TNFSF13B: variants seen among roughly 807,000 people sequenced by gnomAD.
The protein encoded by TNFSF13B is TNF superfamily member 13b, also known as tumor necrosis factor ligand superfamily member 13B.
Under a neutral mutation model 29.1 loss-of-function variants are expected in TNFSF13B, and 8 were observed. The observed-to-expected ratio is 0.27, with a 90% CI of 0.16 to 0.50. TNFSF13B has a LOEUF of 0.50. TNFSF13B is among the 20% of genes least tolerant of loss of function. The pLI is 0.98. For synonymous variants in TNFSF13B, 125 were observed against 130.8 expected (o/e 0.96, Z 0.30); for missense variants, 248 against 334.9 (o/e 0.74, Z 2.03).
intron 2 of TNFSF13B, among the ~76,000 whole-genome samples, chr13:108,272,513 G>T (rs184396346): frequency 1.3e-5 from 2 of 152,046 alleles, no homozygotes; most frequent in African/African-American, 4.8e-5. Flanking sequence ...TCCTTCTGTT[G>T]TTTATTTTGA....
intron 5 of TNFSF13B, among the ~76,000 whole-genome samples, chr13:108,305,254 G>A (rs1881737964): frequency 6.6e-6 from 1 of 152,006 alleles, no homozygotes; most frequent in African/African-American, 2.4e-5. Context: ...GTATATATAA[G>A]TACATAAAAT....
Position 108,308,218 on chromosome 13 carries a change from A to C in TNFSF13B, c.*1280A>C, listed in dbSNP as rs1319409505. The C allele has an allele frequency of 6.6e-6, 1 of 152,142 alleles. No homozygotes were observed. The highest frequency in any genetic ancestry group is 2.4e-5 in the African/African-American group (1 of 41,438). The allele number at this position is 152,142 out of a possible 1,614,324, so 9.4% of individuals were successfully genotyped here. The stretch of plus-strand genomic sequence containing the variant: ...ATCTATATCAAAATACTTTTCAAGG[A>C]TATACTTTTCAAAACAAACGATTTA... On this transcript the variant is annotated 3_prime_UTR_variant, in exon 6 of 6. Transcript: ENST00000375887.
chr13:108,273,403 T>G (rs893000017), intron 2 of TNFSF13B, among the ~76,000 whole-genome samples: 3 of 152,162 alleles, frequency 2.0e-5, no homozygotes, highest in African/African-American at 7.2e-5. Context: ...CTTATTACTA[T>G]CATAAAATAT....
At chr13:108,275,126 A>G (rs139804395) in intron 2 of TNFSF13B, among the ~76,000 whole-genome samples, 44 of 152,298 alleles carry the variant, frequency 2.9e-4, no homozygotes, top group African/African-American at 9.9e-4. Flanking sequence ...CAAATAGCTC[A>G]TATTAGCCAA....
At chr13:108,278,605 TCCTCCCCTTCTCTTC>T (rs1880829605) in intron 2 of TNFSF13B, among the ~76,000 whole-genome samples, 1 of 143,024 alleles carries the variant, frequency 7.0e-6, no homozygotes, top group Non-Finnish European at 1.5e-5. Flanking sequence ...CTCTTCCTCC[TCCTCCCCTTCTCTTC>T]CTCCTCCTCC....
intron 2 of TNFSF13B, among the ~76,000 whole-genome samples, 194 bp downstream of exon 2, chr13:108,270,618 TC>T (rs997341483): frequency 1.3e-5 from 2 of 152,164 alleles, no homozygotes; most frequent in Non-Finnish European, 2.9e-5. Context: ...GTGTGCTTTT[TC>T]CTCCAATGAG....
At chr13:108,273,176 C>A (rs1401039091) in intron 2 of TNFSF13B, among the ~76,000 whole-genome samples, 1 of 151,982 alleles carries the variant, frequency 6.6e-6, no homozygotes, top group African/African-American at 2.4e-5. Flanking sequence ...GTATATATTG[C>A]ACACAGTTGA....
rs1881664115 is a variant in TNFSF13B, at chr13:108,302,839, GC to G, written c.482-412del. ...AGATTTCTTCGTCTGGAAACATTTT[GC>G]CAAACTCTTCAGATACTCTTTCCTC... On this transcript the variant is annotated intron_variant, in intron 3 of 5. Coordinates refer to ENST00000375887, the MANE Select transcript of TNFSF13B (RefSeq NM_006573.5). 12 of 986,658 alleles carry G rather than the reference GC, an allele frequency of 1.2e-5. 1 individual carries two copies. The highest frequency in any genetic ancestry group is 4.7e-5 in the South Asian group (1 of 21,310). 61.1% of individuals were successfully genotyped at this position (986,658 alleles called of 1,614,324 possible).
intron 5 of TNFSF13B, among the ~76,000 whole-genome samples, 174 bp from the exon 6 acceptor site, chr13:108,306,651 TA>T (rs201443596): frequency 6.6e-6 from 1 of 151,988 alleles, no homozygotes; most frequent in South Asian, 2.1e-4. Flanking sequence ...TTATTTCTTC[TA>T]AATTTTTTTT....
At chr13:108,273,120 G>A (rs907132690) in intron 2 of TNFSF13B, among the ~76,000 whole-genome samples, 2 of 152,010 alleles carry the variant, frequency 1.3e-5, no homozygotes, top group South Asian at 4.1e-4. Context: ...TTATTTCATG[G>A]TTTGCCCTAG....
chr13:108,278,239 T>C (rs1179635489), intron 2 of TNFSF13B, among the ~76,000 whole-genome samples: 1 of 152,114 alleles, frequency 6.6e-6, no homozygotes, highest in Non-Finnish European at 1.5e-5. Context: ...TTACGATTAA[T>C]GCCAGTGAGA....
intron 2 of TNFSF13B, among the ~76,000 whole-genome samples, chr13:108,284,850 G>A (rs2139052640): frequency 6.6e-6 from 1 of 152,264 alleles, no homozygotes; most frequent in Non-Finnish European, 1.5e-5. Context: ...TTTAAAATAG[G>A]TTGAATGTGG....
intron 2 of TNFSF13B, among the ~76,000 whole-genome samples, chr13:108,274,619 G>A (rs1345310149): frequency 6.6e-6 from 1 of 152,004 alleles, no homozygotes; most frequent in African/African-American, 2.4e-5. Context: ...CAAAATTAAT[G>A]TTTATATTCC....
intron 2 of TNFSF13B, among the ~76,000 whole-genome samples, chr13:108,270,861 C>G (rs760244618): frequency 3.9e-5 from 6 of 152,102 alleles, no homozygotes; most frequent in Non-Finnish European, 7.4e-5. Context: ...TCTGAATGTA[C>G]ATTACATGTT....
chr13:108,276,677 A>T (rs1880772466), intron 2 of TNFSF13B, among the ~76,000 whole-genome samples: 1 of 152,176 alleles, frequency 6.6e-6, no homozygotes, highest in African/African-American at 2.4e-5. Context: ...AAGGGAAAGA[A>T]ATGCGTTTTC....
At chr13:108,284,382 A>T (rs991975733) in intron 2 of TNFSF13B, among the ~76,000 whole-genome samples, 4 of 151,746 alleles carry the variant, frequency 2.6e-5, no homozygotes, top group African/African-American at 7.3e-5. Context: ...AAACAAACAA[A>T]CAAACAATAA....
chr13:108,288,988 C>G (rs1171336425), intron 3 of TNFSF13B, among the ~76,000 whole-genome samples: 1 of 152,096 alleles, frequency 6.6e-6, no homozygotes, highest in African/African-American at 2.4e-5. Context: ...AACACAAGTA[C>G]TAAACTACTT....
intron 2 of TNFSF13B, among the ~76,000 whole-genome samples, chr13:108,281,345 G>A (rs190045213): frequency 2.0e-5 from 3 of 152,064 alleles, no homozygotes; most frequent in South Asian, 2.1e-4. Flanking sequence ...TCCAACACCC[G>A]CTTCCAAAAA....
rs138902471 is a variant in TNFSF13B at position 108,270,950 on chromosome 13, T to TACACACACACACAC, written c.424+533_424+546dup. Among the ~76,000 whole-genome samples the TACACACACACACAC allele has an allele frequency of 4.5e-3, 681 of 150,570 alleles. 2 individuals are homozygous for TACACACACACACAC. Among genetic ancestry groups the TACACACACACACAC allele is most frequent in the African/African-American group, 0.016 (650 of 41,092 alleles). On this transcript the variant is annotated intron_variant, in intron 2 of 5. Coordinates refer to ENST00000375887, the MANE Select transcript of TNFSF13B (RefSeq NM_006573.5). ...TGTTTATTTGTTAAAAAGGTTATTTTACACACACACACACACACACGCACA... is the reference window on the plus strand; with the variant it reads ...TGTTTATTTGTTAAAAAGGTTATTTTACACACACACACACACACACACACACACACACACGCACA...
Sources: allele counts gnomAD v4.1 joint callset (sites outside exome capture counted in the v4.1 genomes callset), GRCh38; gene constraint gnomAD v4.1.1; transcripts MANE v1.5; gene names NCBI Gene and HGNC (gene_info 2026-07-23, HGNC 2026-07-21).